LDLRAD3: variants seen among roughly 807,000 people sequenced by gnomAD.
LDLRAD3 encodes the protein low-density lipoprotein receptor class A domain-containing protein 3.
In LDLRAD3, 20 loss-of-function variants were observed where a neutral mutation model predicts 29.4. That is an observed-to-expected ratio of 0.68 (90% CI 0.48 to 0.99). The LOEUF (loss-of-function observed/expected upper bound fraction) is 0.99, where lower values mean the gene tolerates loss of function less well. LDLRAD3 is among the 50% of genes least tolerant of loss of function. LDLRAD3 has a pLI of 0.00. For missense variants in LDLRAD3, 420 were observed against 454.3 expected, an observed-to-expected ratio of 0.92 and a Z score of 0.69; for synonymous variants, 157 against 192.7, an observed-to-expected ratio of 0.81 and a Z score of 1.53.
At chr11:35,945,672 T>TC (rs1851047752) in intron 1 of LDLRAD3, among the ~76,000 whole-genome samples, 1 of 152,202 alleles carries the variant, frequency 6.6e-6, no homozygotes, top group South Asian at 2.1e-4. Flanking sequence ...CTGTGGTGTG[T>TC]CCCCTCATAG....
At chr11:35,953,941 A>G (rs1353302021) in intron 1 of LDLRAD3, among the ~76,000 whole-genome samples, 1 of 152,240 alleles carries the variant, frequency 6.6e-6, no homozygotes, top group East Asian at 1.9e-4. Flanking sequence ...GCAGGATTGG[A>G]ATGAGTTGAT....
chr11:35,953,655 C>G (rs185975515), intron 1 of LDLRAD3, among the ~76,000 whole-genome samples: 1 of 152,064 alleles, frequency 6.6e-6, no homozygotes, highest in East Asian at 1.9e-4. Context: ...TTCCACAGTC[C>G]GTTGAAAAAA....
intron 4 of LDLRAD3, among the ~76,000 whole-genome samples, chr11:36,188,874 T>G (rs1487817490): frequency 3.3e-5 from 5 of 152,086 alleles, no homozygotes; most frequent in Non-Finnish European, 7.3e-5. Context: ...CAGGAGTTTA[T>G]AAAAGTCTTC....
intron 4 of LDLRAD3, among the ~76,000 whole-genome samples, chr11:36,144,514 A>C (rs1590304835): frequency 6.8e-6 from 1 of 147,140 alleles, no homozygotes; most frequent in Non-Finnish European, 1.5e-5. Flanking sequence ...CCATCGTCTG[A>C]GATGTGGGGA....
Position 36,203,878 on chromosome 11 carries a change from G to A in LDLRAD3, c.455-23207G>A, listed in dbSNP as rs186145320. Among the ~76,000 whole-genome samples, 211 of 152,226 alleles carry A rather than the reference G, an allele frequency of 1.4e-3. 1 individual carries two copies. The highest frequency in any genetic ancestry group is 4.8e-3 in the African/African-American group (199 of 41,518). On this transcript the variant is annotated intron_variant, in intron 4 of 5. Transcript: ENST00000315571. The stretch of plus-strand genomic sequence containing the variant: ...TGGTTTGGGAAGCACACTTTTTGAG[G>A]TCAGCTGTTACTTTCTGGAATAGTG...
chr11:35,991,611 C>T (rs1287006788), intron 1 of LDLRAD3, among the ~76,000 whole-genome samples: 1 of 152,168 alleles, frequency 6.6e-6, no homozygotes, highest in Non-Finnish European at 1.5e-5. Flanking sequence ...CTTCCAACAA[C>T]TGGGTCTCTG....
chr11:36,213,024 T>G lies in LDLRAD3; in HGVS notation c.455-14061T>G, dbSNP rs1565308600. Among the ~76,000 whole-genome samples, 1 of 151,566 alleles carries G rather than the reference T, an allele frequency of 6.6e-6. No individual in the cohort carries two copies. Among genetic ancestry groups the G allele is most frequent in the East Asian group, 1.9e-4 (1 of 5,166 alleles). On this transcript the variant is annotated intron_variant, in intron 4 of 5. Coordinates refer to ENST00000315571, the MANE Select transcript of LDLRAD3 (RefSeq NM_174902.4). The surrounding 1 kb of genome is among the most constrained non-coding windows in gnomAD (Gnocchi z 4.1). Reference sequence around the variant, plus strand: ...ATTCGGTCTTCAGTTTAGAACTTTCTTCTCTCTCTGTCTCTCTCTCCCCCA... The same window carrying G: ...ATTCGGTCTTCAGTTTAGAACTTTCGTCTCTCTCTGTCTCTCTCTCCCCCA...
At chr11:36,123,010 TACA>T (rs983360812) in intron 4 of LDLRAD3, among the ~76,000 whole-genome samples, 15 of 152,062 alleles carry the variant, frequency 9.9e-5, no homozygotes, top group African/African-American at 3.4e-4. Context: ...ACCTTGTCTC[TACA>T]ACAACAACAA....
At chr11:36,212,551 CA>C (rs34139512) in intron 4 of LDLRAD3, among the ~76,000 whole-genome samples, 875 of 122,814 alleles carry the variant, frequency 7.1e-3, no homozygotes, top group African/African-American at 0.011. Context: ...GACCCTGTCT[CA>C]AAAAAAAAAA....
chr11:36,135,919 A>G (rs1853997770), intron 4 of LDLRAD3, among the ~76,000 whole-genome samples: 1 of 152,198 alleles, frequency 6.6e-6, no homozygotes, highest in African/African-American at 2.4e-5. Flanking sequence ...CAAAAAAAGA[A>G]GAAGAAAAAA....
At chr11:35,951,232 G>A (rs1851131010) in intron 1 of LDLRAD3, among the ~76,000 whole-genome samples, 1 of 151,932 alleles carries the variant, frequency 6.6e-6, no homozygotes, top group South Asian at 2.1e-4. Context: ...AGTAACTACT[G>A]TGAATTGTCT....
intron 5 of LDLRAD3, among the ~76,000 whole-genome samples, chr11:36,227,651 T>C (rs181140477): frequency 2.2e-3 from 342 of 152,348 alleles, no homozygotes; most frequent in African/African-American, 8.0e-3. Flanking sequence ...CTGATAGGAA[T>C]GTTCCAAAAC....
chr11:36,199,953 G>A (rs1195246805), intron 4 of LDLRAD3, among the ~76,000 whole-genome samples: 2 of 152,098 alleles, frequency 1.3e-5, no homozygotes, highest in Non-Finnish European at 2.9e-5. Flanking sequence ...GATCTCTTGA[G>A]GTCAGGAGTT....
At chr11:36,110,711 A>G (rs1030767364) in intron 4 of LDLRAD3, among the ~76,000 whole-genome samples, 1 of 152,216 alleles carries the variant, frequency 6.6e-6, no homozygotes, top group Non-Finnish European at 1.5e-5. Context: ...AATACAAACT[A>G]TTATAGATCA....
intron 2 of LDLRAD3, among the ~76,000 whole-genome samples, chr11:36,069,896 G>A (rs1474200614): frequency 2.6e-5 from 4 of 152,170 alleles, no homozygotes; most frequent in South Asian, 2.1e-4. Context: ...AATGAAAAAC[G>A]GAATGAGTAA....
intron 1 of LDLRAD3, among the ~76,000 whole-genome samples, chr11:35,958,043 A>C (rs867794315): frequency 7.2e-5 from 11 of 152,216 alleles, no homozygotes; most frequent in Non-Finnish European, 1.2e-4. Context: ...GGAGACTAAC[A>C]AAATGCTCAC....
chr11:36,101,258 C>G (rs1009707798), intron 4 of LDLRAD3, among the ~76,000 whole-genome samples: 15 of 152,156 alleles, frequency 9.9e-5, no homozygotes, highest in African/African-American at 3.6e-4. Context: ...GTGAGCTACC[C>G]AAGAAGAGTA....
chr11:36,169,930 T>C (rs968978518), intron 4 of LDLRAD3, among the ~76,000 whole-genome samples: 2 of 152,118 alleles, frequency 1.3e-5, no homozygotes, highest in African/African-American at 4.8e-5. Flanking sequence ...GGATAAGTTC[T>C]TTAGCGGTAA....
At chr11:36,018,561 C>T (rs1852052646) in intron 1 of LDLRAD3, among the ~76,000 whole-genome samples, 2 of 152,072 alleles carry the variant, frequency 1.3e-5, no homozygotes, top group Non-Finnish European at 2.9e-5. Flanking sequence ...AAAACCCAGC[C>T]TTTTATGTGT....
Sources: gnomAD v4.1 joint callset for allele counts (sites outside exome capture counted in the v4.1 genomes callset) on GRCh38, gnomAD v4.1.1 for gene constraint, Gnocchi (gnomAD v3.1) non-coding constraint, MANE v1.5 for transcripts, NCBI Gene and HGNC (gene_info 2026-07-23, HGNC 2026-07-21) for gene names.